KCNC2: variants seen among roughly 807,000 people sequenced by gnomAD.
KCNC2 encodes the protein potassium voltage-gated channel subfamily C member 2.
In KCNC2, 21 loss-of-function variants were observed where a neutral mutation model predicts 44.5. That is an observed-to-expected ratio of 0.47 (90% CI 0.33 to 0.68). KCNC2 has a LOEUF of 0.68. Ranked by LOEUF, KCNC2 falls within the 30% of genes least tolerant of loss-of-function variation. The pLI is 0.01. For synonymous variants in KCNC2, 391 were observed against 339.1 expected (o/e 1.15, Z -1.68); for missense variants, 589 against 826.2 (o/e 0.71, Z 3.52).
At position 75,043,486 on chromosome 12, in the gene KCNC2, G is replaced by C; in HGVS notation, c.1781-245C>G. On this transcript the variant is annotated intron_variant, in intron 4 of 4. Transcript: ENST00000549446. The stretch of plus-strand genomic sequence containing the variant: ...ATACTTCAAAATATATTTTTTCCCA[G>C]ATTATAGTTAGCATTAATATAATTT... 1.6e-6 allele frequency: 2 copies of C among 1,280,116 alleles called. 1 individual carries two copies. The highest frequency in any genetic ancestry group is 5.8e-4 in the Middle Eastern group (2 of 3,458). The allele number at this position is 1,280,116 out of a possible 1,614,324, so 79.3% of individuals were successfully genotyped here. A position where few individuals can be genotyped will look rare whatever the true frequency, so the allele number is the denominator to read the frequency against.
Position 75,041,420 on chromosome 12 carries a change from G to A in KCNC2, c.*1685C>T. On this transcript the variant is annotated 3_prime_UTR_variant, in exon 5 of 5. Transcript: ENST00000549446. Reference sequence around the variant, plus strand: ...GGATATAGAGTAATACATGTTTCGTGGCCAATAATAAAAGTGACAATTGTC... The same window carrying A: ...GGATATAGAGTAATACATGTTTCGTAGCCAATAATAAAAGTGACAATTGTC... 7 of 1,282,580 alleles carry A rather than the reference G, an allele frequency of 5.5e-6. No individual in the cohort carries two copies. The highest frequency in any genetic ancestry group is 2.3e-5 in the South Asian group (1 of 43,662). 79.4% of individuals were successfully genotyped at this position (1,282,580 alleles called of 1,614,324 possible). A position where few individuals can be genotyped will look rare whatever the true frequency, so the allele number is the denominator to read the frequency against.
chr12:75,094,331 A>G (rs1448102371), intron 2 of KCNC2, among the ~76,000 whole-genome samples: 1 of 151,706 alleles, frequency 6.6e-6, no homozygotes, highest in Non-Finnish European at 1.5e-5. Flanking sequence ...TTCCTTTACC[A>G]AGATAACACA....
intron 4 of KCNC2, among the ~76,000 whole-genome samples, chr12:75,045,527 G>T (rs947217042): frequency 1.3e-5 from 2 of 151,690 alleles, no homozygotes; most frequent in Admixed American, 6.6e-5. Context: ...TAGAAAATTT[G>T]ATAAAATGTT....
At chr12:75,205,951 G>A (rs79257843) in intron 2 of KCNC2, among the ~76,000 whole-genome samples, 3,233 of 146,180 alleles carry the variant, frequency 0.022, 106 homozygotes, top group African/African-American at 0.076. Context: ...GTTCAAATAT[G>A]TGTATGCAGG....
rs187554009 is a variant in KCNC2, at chr12:75,148,999, A to G, written c.687+58298T>C. Among the ~76,000 whole-genome samples the G allele has an allele frequency of 6.9e-3, 982 of 143,276 alleles. 7 individuals carry two copies. Among genetic ancestry groups the G allele is most frequent in the Non-Finnish European group, 8.7e-3 (572 of 66,084 alleles). The allele number at this position is 143,276 out of a possible 152,430, so 94.0% of individuals were successfully genotyped here. ...TGAGCATCTTTTTGGTGACTGATAT[A>G]CAAAAAAAAAAAAAGAATCATAGAG... On this transcript the variant is annotated intron_variant, in intron 2 of 4. Coordinates refer to ENST00000549446, the MANE Select transcript of KCNC2 (RefSeq NM_139137.4).
intron 2 of KCNC2, among the ~76,000 whole-genome samples, chr12:75,182,439 C>G (rs1365712077): frequency 6.8e-6 from 1 of 146,246 alleles, no homozygotes; most frequent in Non-Finnish European, 1.5e-5. Flanking sequence ...AGGAGAATGG[C>G]GTGAACCTGG....
chr12:75,072,309 C>A (rs1883499565), intron 2 of KCNC2, among the ~76,000 whole-genome samples: 1 of 151,878 alleles, frequency 6.6e-6, no homozygotes, highest in African/African-American at 2.4e-5. Flanking sequence ...TAATTTGATT[C>A]AATTAAGGTT....
chr12:75,199,624 C>A (rs1397856794), intron 2 of KCNC2, among the ~76,000 whole-genome samples: 1 of 151,732 alleles, frequency 6.6e-6, no homozygotes, highest in Non-Finnish European at 1.5e-5. Flanking sequence ...ATTTACTGAC[C>A]TTACAACAAC....
At chr12:75,086,733 T>C (rs911929226) in intron 2 of KCNC2, among the ~76,000 whole-genome samples, 2 of 147,382 alleles carry the variant, frequency 1.4e-5, no homozygotes, top group Admixed American at 1.4e-4. Context: ...CATATATAAA[T>C]ACAGAGACAT....
In KCNC2 at chr12:75,042,615, C is replaced by T. The variant is rs970463937; in HGVS notation, c.*490G>A. On this transcript the variant is annotated 3_prime_UTR_variant, in exon 5 of 5. Coordinates refer to ENST00000549446, the MANE Select transcript of KCNC2 (RefSeq NM_139137.4). ...CATATCCTGAGCTATCCACAGTCCC[C>T]GAACTCTGCAACATTGCTTTCAGGT... 7.0e-6 allele frequency: 9 copies of T among 1,284,896 alleles called. No homozygotes were observed. The African/African-American group carries it at 9.2e-5, about 13-fold the overall frequency. The allele number at this position is 1,284,896 out of a possible 1,614,324, so 79.6% of individuals were successfully genotyped here. A position where few individuals can be genotyped will look rare whatever the true frequency, so the allele number is the denominator to read the frequency against.
chr12:75,156,600 A>C (rs1482315528), intron 2 of KCNC2, among the ~76,000 whole-genome samples: 1 of 151,772 alleles, frequency 6.6e-6, no homozygotes, highest in African/African-American at 2.4e-5. Context: ...ATTTCTTTCA[A>C]CCTCGGTGTC....
intron 2 of KCNC2, among the ~76,000 whole-genome samples, chr12:75,136,457 C>G (rs1889237494): frequency 6.6e-6 from 1 of 151,760 alleles, no homozygotes; most frequent in Non-Finnish European, 1.5e-5. Context: ...AAAAAAGATT[C>G]AAATAAACAC....
At chr12:75,206,915 G>A (rs1053868960) in intron 2 of KCNC2, among the ~76,000 whole-genome samples, 20 of 152,214 alleles carry the variant, frequency 1.3e-4, no homozygotes, top group Non-Finnish European at 2.6e-4. Flanking sequence ...TGACCAGGAG[G>A]CCAGAAGAGA....
intron 2 of KCNC2, among the ~76,000 whole-genome samples, chr12:75,064,920 T>C (rs1446357282): frequency 6.6e-6 from 1 of 152,014 alleles, no homozygotes; most frequent in East Asian, 1.9e-4. Flanking sequence ...AACTTTAGAG[T>C]GTACATATAC....
chr12:75,208,116 C>T (rs776156295), intron 1 of KCNC2, 114 bp from the exon 2 acceptor site: 4 of 1,256,864 alleles, frequency 3.2e-6, no homozygotes, highest in Non-Finnish European at 3.3e-6. Context: ...CAGACAGGCA[C>T]GGGGCAAAGA....
chr12:75,208,026 C>A (rs777461814), intron 1 of KCNC2, 24 bp from the exon 2 acceptor site: 1 of 1,607,536 alleles, frequency 6.2e-7, no homozygotes, highest in Non-Finnish European at 8.5e-7. Flanking sequence ...AACACAGCGC[C>A]GAGTTAAAGA....
intron 2 of KCNC2, among the ~76,000 whole-genome samples, chr12:75,155,337 G>T (rs1890683292): frequency 6.6e-6 from 1 of 151,762 alleles, no homozygotes; most frequent in Non-Finnish European, 1.5e-5. Flanking sequence ...TTAACTTGGA[G>T]TGAAACAAAG....
At position 75,050,611 on chromosome 12, in the gene KCNC2, A is replaced by C. The variant is rs1479326307; in HGVS notation, c.1394T>G (p.Ile465Arg). Residue 465 changes from isoleucine (I) to arginine (R), a missense_variant, in exon 3 of 5, where the codon ATA becomes AGA. Coordinates refer to ENST00000549446, the MANE Select transcript of KCNC2 (RefSeq NM_139137.4). ...ALCALAGVLT[I>R]AMPVPVIVNN... ...GACAATGACAGGCACTGGCATGGCTATTGTCAGCACTCCAGCCAGAGCACA... is the reference window on the plus strand; with the variant it reads ...GACAATGACAGGCACTGGCATGGCTCTTGTCAGCACTCCAGCCAGAGCACA... 1 of 1,613,332 alleles carries C rather than the reference A, an allele frequency of 6.2e-7. No homozygotes were observed.
intron 2 of KCNC2, among the ~76,000 whole-genome samples, chr12:75,205,839 G>GT (rs34832795): frequency 0.19 from 23,986 of 124,492 alleles, 2,544 homozygotes; most frequent in African/African-American, 0.29. Context: ...GTTGGTTTGG[G>GT]TTTTTTTTTT....
Sources: gnomAD v4.1 joint callset for allele counts (sites outside exome capture counted in the v4.1 genomes callset) on GRCh38, gnomAD v4.1.1 for gene constraint, MANE v1.5 for transcripts, NCBI Gene and HGNC (gene_info 2026-07-23, HGNC 2026-07-21) for gene names.